Variants in CDH18 observed in about 807,000 individuals in gnomAD.
The protein encoded by CDH18 is cadherin-18.
In CDH18, 31 loss-of-function variants were observed where a neutral mutation model predicts 67.9. The ratio of observed to expected loss-of-function variants is 0.46; its 90% CI spans 0.34 to 0.62. The LOEUF is 0.62. Among genes scored for constraint, CDH18 ranks in the 20% least tolerant of loss-of-function variants. The probability of loss-of-function intolerance (pLI) is 0.01; values close to 1 mark genes in which losing one functional copy is unlikely to be tolerated. For missense variants in CDH18, 890 were observed against 975.5 expected, an observed-to-expected ratio of 0.91 and a Z score of 1.17; for synonymous variants, 362 against 347.2, an observed-to-expected ratio of 1.04 and a Z score of -0.48.
At chr5:20,412,969 C>T (rs113652313) in intron 1 of CDH18, among the ~76,000 whole-genome samples, 3 of 152,022 alleles carry the variant, frequency 2.0e-5, no homozygotes, top group Non-Finnish European at 4.4e-5. Context: ...CCAATCCCCG[C>T]ACCCCACGAC....
At chr5:20,303,382 A>G (rs770771636) in intron 1 of CDH18, among the ~76,000 whole-genome samples, 13 of 152,124 alleles carry the variant, frequency 8.5e-5, no homozygotes, top group Non-Finnish European at 1.6e-4. Flanking sequence ...AGACACTACA[A>G]AGCCAAAAAA....
At chr5:19,910,753 A>C (rs1791047701) in intron 2 of CDH18, among the ~76,000 whole-genome samples, 1 of 152,188 alleles carries the variant, frequency 6.6e-6, no homozygotes, top group Admixed American at 6.6e-5. Flanking sequence ...ATTGGAGATG[A>C]AATGGGTACC....
chr5:20,500,297 T>C (rs1228593620), intron 1 of CDH18, among the ~76,000 whole-genome samples: 2 of 152,178 alleles, frequency 1.3e-5, no homozygotes, highest in Non-Finnish European at 2.9e-5. Flanking sequence ...ATGTAGATTA[T>C]AATATGAATT....
At chr5:19,477,971 T>A (rs918730941) in intron 12 of CDH18, among the ~76,000 whole-genome samples, 1 of 152,144 alleles carries the variant, frequency 6.6e-6, no homozygotes, top group East Asian at 1.9e-4. Flanking sequence ...TGAATTTCTT[T>A]TTCTTCTGTT....
intron 10 of CDH18, among the ~76,000 whole-genome samples, chr5:19,518,927 A>T (rs1226106075): frequency 6.6e-6 from 1 of 152,120 alleles, no homozygotes; most frequent in Admixed American, 6.6e-5. Flanking sequence ...ACTAAAAGAA[A>T]CCTAATTTAG....
intron 1 of CDH18, among the ~76,000 whole-genome samples, chr5:20,273,806 T>G (rs981156588): frequency 6.6e-6 from 1 of 152,114 alleles, no homozygotes; most frequent in Admixed American, 6.6e-5. Context: ...TATACCAGGA[T>G]GTTACATTAA....
chr5:20,157,855 T>C (rs184269520), intron 2 of CDH18, among the ~76,000 whole-genome samples: 2 of 152,214 alleles, frequency 1.3e-5, no homozygotes, highest in Admixed American at 6.5e-5. Flanking sequence ...TTGGCCAGGA[T>C]GGTCTCGATC....
At chr5:20,245,606 G>C (rs1743315675) in intron 2 of CDH18, among the ~76,000 whole-genome samples, 1 of 152,054 alleles carries the variant, frequency 6.6e-6, no homozygotes, top group Admixed American at 6.6e-5. Flanking sequence ...CTAAATTGCA[G>C]TGCCTGGCAC....
chr5:20,309,468 T>G (rs1379310666), intron 1 of CDH18, among the ~76,000 whole-genome samples: 2 of 152,122 alleles, frequency 1.3e-5, no homozygotes, highest in Non-Finnish European at 2.9e-5. Flanking sequence ...ATTAAAATAA[T>G]TTTAAGAAAA....
intron 3 of CDH18, among the ~76,000 whole-genome samples, chr5:19,761,917 G>C (rs1156413184): frequency 1.3e-5 from 2 of 152,120 alleles, no homozygotes; most frequent in African/African-American, 2.4e-5. Flanking sequence ...GAACAGAACA[G>C]AGCCCTCAGA....
chr5:19,863,793 T>C (rs1291050835), intron 2 of CDH18, among the ~76,000 whole-genome samples: 1 of 152,044 alleles, frequency 6.6e-6, no homozygotes, highest in East Asian at 1.9e-4. Context: ...AAGAACAACA[T>C]AGGGAGGCTG....
At chr5:20,521,233 G>A (rs183207227) in intron 1 of CDH18, among the ~76,000 whole-genome samples, 1 of 152,182 alleles carries the variant, frequency 6.6e-6, no homozygotes, top group Non-Finnish European at 1.5e-5. Context: ...ATATTGAAAT[G>A]TTTTATTTCT....
At chr5:20,149,219 G>C (rs1035704187) in intron 2 of CDH18, among the ~76,000 whole-genome samples, 1 of 152,002 alleles carries the variant, frequency 6.6e-6, no homozygotes, top group African/African-American at 2.4e-5. Context: ...AAATAAAGAG[G>C]CATATATTTA....
intron 7 of CDH18, among the ~76,000 whole-genome samples, chr5:19,585,086 C>T (rs1425333667): frequency 2.0e-5 from 3 of 151,892 alleles, no homozygotes; most frequent in African/African-American, 7.3e-5. Context: ...TTACCATTTA[C>T]AGAATTGAAA....
intron 2 of CDH18, among the ~76,000 whole-genome samples, chr5:20,253,565 A>G (rs1744017687): frequency 6.6e-6 from 1 of 152,170 alleles, no homozygotes. Context: ...TTTTGAAAAG[A>G]ACCATACTGA....
At chr5:20,532,684 C>G (rs1483739325) in intron 1 of CDH18, among the ~76,000 whole-genome samples, 2 of 152,014 alleles carry the variant, frequency 1.3e-5, no homozygotes, top group African/African-American at 4.8e-5. Flanking sequence ...CATGTCTTTT[C>G]TCTGCCAATA....
chr5:19,717,607 G>A (rs995499714), intron 5 of CDH18, among the ~76,000 whole-genome samples: 2 of 152,168 alleles, frequency 1.3e-5, no homozygotes, highest in Middle Eastern at 3.4e-3. Flanking sequence ...TTTTAACTCA[G>A]TTTACACTAT....
At chr5:20,441,879 T>C (rs13186243) in intron 1 of CDH18, among the ~76,000 whole-genome samples, 36,930 of 151,764 alleles carry the variant, frequency 0.24, 4,899 homozygotes, top group East Asian at 0.3. Context: ...TTGCTTATTA[T>C]GTGCATAACA....
At chr5:20,081,353 C>T (rs1458118629) in intron 2 of CDH18, among the ~76,000 whole-genome samples, 2 of 152,128 alleles carry the variant, frequency 1.3e-5, no homozygotes, top group Non-Finnish European at 2.9e-5. Context: ...TTGGCTCATA[C>T]ACTGCTACTA....
Sources: gnomAD v4.1 joint callset for allele counts (sites outside exome capture counted in the v4.1 genomes callset) on GRCh38, gnomAD v4.1.1 for gene constraint, MANE v1.5 for transcripts, NCBI Gene and HGNC (gene_info 2026-07-23, HGNC 2026-07-21) for gene names.